CADM2: variants seen among roughly 807,000 people sequenced by gnomAD.
The protein encoded by CADM2 is cell adhesion molecule 2, also known as immunoglobulin superfamily member 4D.
Under a neutral mutation model 49.8 loss-of-function variants are expected in CADM2, and 12 were observed. The ratio of observed to expected loss-of-function variants is 0.24; its 90% CI spans 0.15 to 0.39. The LOEUF is 0.39. Ranked by LOEUF, CADM2 falls within the 10% of genes least tolerant of loss-of-function variation. The probability of loss-of-function intolerance (pLI) is 1.00; values close to 1 mark genes in which losing one functional copy is unlikely to be tolerated. For missense variants in CADM2, 378 were observed against 492.3 expected (o/e 0.77, Z 2.20); for synonymous variants, 214 against 175.4 (o/e 1.22, Z -1.74).
chr3:85,638,573 C>T (rs948636624), intron 1 of CADM2, among the ~76,000 whole-genome samples: 18 of 151,966 alleles, frequency 1.2e-4, no homozygotes, highest in African/African-American at 3.9e-4. Context: ...GCTTATTATA[C>T]TTATGTTTTA....
chr3:85,907,334 T>A (rs1716935232), intron 5 of CADM2, among the ~76,000 whole-genome samples: 1 of 152,168 alleles, frequency 6.6e-6, no homozygotes, highest in Non-Finnish European at 1.5e-5. Flanking sequence ...AAAGTTCAAG[T>A]TCCATATAAG....
intron 8 of CADM2, among the ~76,000 whole-genome samples, chr3:85,988,428 G>A (rs1728375327): frequency 6.6e-6 from 1 of 152,094 alleles, no homozygotes; most frequent in African/African-American, 2.4e-5. Context: ...TTTAGTATCA[G>A]AACTGCTTTT....
At chr3:85,428,718 A>G (rs1008396944) in intron 1 of CADM2, among the ~76,000 whole-genome samples, 1 of 148,634 alleles carries the variant, frequency 6.7e-6, no homozygotes, top group East Asian at 1.9e-4. Flanking sequence ...ACATATTCCC[A>G]TAGGTGAATA....
intron 1 of CADM2, among the ~76,000 whole-genome samples, chr3:85,383,995 T>C (rs72905457): frequency 0.039 from 5,896 of 152,302 alleles, 384 homozygotes; most frequent in African/African-American, 0.13. Flanking sequence ...ACATGTGCAG[T>C]AATTTCCAGG....
At chr3:85,715,543 A>G (rs2067258416) in intron 1 of CADM2, among the ~76,000 whole-genome samples, 1 of 152,158 alleles carries the variant, frequency 6.6e-6, no homozygotes, top group Non-Finnish European at 1.5e-5. Flanking sequence ...TCTGGGATAC[A>G]TGTGCAGAAC....
intron 1 of CADM2, among the ~76,000 whole-genome samples, chr3:85,129,352 A>C (rs566727185): frequency 2.0e-5 from 3 of 152,220 alleles, no homozygotes; most frequent in South Asian, 2.1e-4. Flanking sequence ...TAATATTTAT[A>C]TCTCTTTTTA....
chr3:85,428,747 T>C (rs146642106), intron 1 of CADM2, among the ~76,000 whole-genome samples: 1 of 149,970 alleles, frequency 6.7e-6, no homozygotes, highest in East Asian at 1.9e-4. Flanking sequence ...ATATGCATTA[T>C]GTAAAATTAA....
At chr3:85,607,814 G>T (rs1470945150) in intron 1 of CADM2, among the ~76,000 whole-genome samples, 1 of 151,856 alleles carries the variant, frequency 6.6e-6, no homozygotes, top group East Asian at 1.9e-4. Context: ...AGGCCACCAT[G>T]CCCAGCTAAT....
intron 1 of CADM2, among the ~76,000 whole-genome samples, chr3:85,680,795 C>A (rs188522157): frequency 2.6e-5 from 4 of 152,224 alleles, no homozygotes; most frequent in Non-Finnish European, 4.4e-5. Context: ...GCCTGATATT[C>A]TTCCTTTAAG....
intron 1 of CADM2, among the ~76,000 whole-genome samples, chr3:85,553,827 A>G (rs2061877891): frequency 1.3e-5 from 2 of 152,308 alleles, no homozygotes; most frequent in Admixed American, 1.3e-4. Flanking sequence ...TTGTGCCTCC[A>G]GGAACAAAGA....
At chr3:85,919,585 CCTT>C (rs1435932471) in intron 6 of CADM2, among the ~76,000 whole-genome samples, 1 of 151,816 alleles carries the variant, frequency 6.6e-6, no homozygotes, top group Non-Finnish European at 1.5e-5. Context: ...ACAGTCCTGA[CCTT>C]CTTGATGATT....
chr3:85,245,142 G>T (rs1265032856), intron 1 of CADM2, among the ~76,000 whole-genome samples: 3 of 152,086 alleles, frequency 2.0e-5, no homozygotes, highest in Non-Finnish European at 2.9e-5. Context: ...AAGGAAAAAA[G>T]ACCCCAGTAT....
At chr3:85,839,593 A>G (rs1430070706) in intron 3 of CADM2, among the ~76,000 whole-genome samples, 1 of 151,814 alleles carries the variant, frequency 6.6e-6, no homozygotes, top group African/African-American at 2.4e-5. Flanking sequence ...TACCTCAGGC[A>G]CACAATTTAG....
At chr3:85,763,607 A>G (rs1403755154) in intron 2 of CADM2, among the ~76,000 whole-genome samples, 1 of 152,170 alleles carries the variant, frequency 6.6e-6, no homozygotes, top group Non-Finnish European at 1.5e-5. Flanking sequence ...TGATGTGGCC[A>G]TCTCTCATTT....
intron 1 of CADM2, among the ~76,000 whole-genome samples, chr3:85,162,399 A>G (rs963130707): frequency 2.0e-5 from 3 of 152,250 alleles, no homozygotes; most frequent in South Asian, 4.1e-4. Context: ...TTATATCAAC[A>G]AGCATGTCAA....
chr3:85,916,208 A>G (rs1043564935), intron 6 of CADM2, among the ~76,000 whole-genome samples: 1 of 152,144 alleles, frequency 6.6e-6, no homozygotes, highest in Non-Finnish European at 1.5e-5. Flanking sequence ...TTTAGGGTAC[A>G]TGTGCACAAC....
chr3:85,345,754 A>G (rs1009745381), intron 1 of CADM2, among the ~76,000 whole-genome samples: 10 of 152,192 alleles, frequency 6.6e-5, no homozygotes, highest in Non-Finnish European at 1.2e-4. Flanking sequence ...TATTGGAAGA[A>G]CTTAAATTTG....
rs558577989 is a variant in CADM2, at chr3:85,259,926, A to G, written c.61+300258A>G. 3.3e-5 allele frequency among the ~76,000 whole-genome samples: 5 copies of G among 152,238 alleles called. No individual in the cohort carries two copies. The South Asian group carries it at 1.0e-3, about 32-fold the overall frequency. ...TGTGCCAGGGTTTCCTAGTGCAGACACAATCTAAAGGTTAGTCATCTTTTG... is the reference window on the plus strand; with the variant it reads ...TGTGCCAGGGTTTCCTAGTGCAGACGCAATCTAAAGGTTAGTCATCTTTTG... On this transcript the variant is annotated intron_variant, in intron 1 of 9. Transcript: ENST00000383699.
At chr3:85,171,294 C>T (rs1353976187) in intron 1 of CADM2, among the ~76,000 whole-genome samples, 1 of 151,954 alleles carries the variant, frequency 6.6e-6, no homozygotes. Context: ...ATAAACCAGC[C>T]CATATCATTG....
Sources: allele counts gnomAD v4.1 joint callset (sites outside exome capture counted in the v4.1 genomes callset), GRCh38; gene constraint gnomAD v4.1.1; transcripts MANE v1.5; gene names NCBI Gene and HGNC (gene_info 2026-07-23, HGNC 2026-07-21).